COL28A1: variants seen among roughly 807,000 people sequenced by gnomAD.
COL28A1 encodes the protein collagen alpha-1(XXVIII) chain.
A neutral mutation model predicts 150.2 loss-of-function variants in COL28A1; 161 were observed. The observed-to-expected ratio is 1.07, with a 90% confidence interval of 0.94 to 1.22. The LOEUF is 1.22. Among genes scored for constraint, COL28A1 ranks in the 50% most tolerant of loss-of-function variants. The pLI is 0.00. For synonymous variants in COL28A1, 552 were observed against 469.7 expected (o/e 1.18, Z -2.26); for missense variants, 1,617 against 1,388.3 (o/e 1.16, Z -2.62).
At chr7:7,494,790 A>G (rs1290943633) in intron 11 of COL28A1, among the ~76,000 whole-genome samples, 1 of 152,274 alleles carries the variant, frequency 6.6e-6, no homozygotes, top group Non-Finnish European at 1.5e-5. Flanking sequence ...AGATATTAAC[A>G]GAATACATAA....
the COL28A1 span, among the ~76,000 whole-genome samples, chr7:7,350,246 T>C: frequency 6.6e-6 from 1 of 151,966 alleles, no homozygotes; most frequent in African/African-American, 2.4e-5. Flanking sequence ...CAATTGGATA[T>C]GAGGAGTGAG....
At chr7:7,498,936 T>C (rs1035515758) in intron 11 of COL28A1, among the ~76,000 whole-genome samples, 3 of 152,100 alleles carry the variant, frequency 2.0e-5, no homozygotes, top group African/African-American at 7.2e-5. Context: ...ACAGAGTATA[T>C]ATACCCCATC....
At chr7:7,515,030 G>A (rs1461272350) in intron 8 of COL28A1, among the ~76,000 whole-genome samples, 1 of 152,188 alleles carries the variant, frequency 6.6e-6, no homozygotes, top group Non-Finnish European at 1.5e-5. Context: ...GAGAAGCAGG[G>A]AGGCCAGAGG....
chr7:7,520,160 T>A (rs1472574212), intron 5 of COL28A1, 45 bp from the exon 6 acceptor site: 4 of 881,120 alleles, frequency 4.5e-6, no homozygotes, highest in Non-Finnish European at 7.6e-6. Context: ...GGAATTCTAT[T>A]GTTTTCTATA....
At chr7:7,433,410 T>C (rs1785121006) in intron 23 of COL28A1, among the ~76,000 whole-genome samples, 1 of 151,826 alleles carries the variant, frequency 6.6e-6, no homozygotes, top group Admixed American at 6.6e-5. Flanking sequence ...CTGAGGTGGG[T>C]GGATCACCAG....
intron 27 of COL28A1, among the ~76,000 whole-genome samples, chr7:7,391,810 T>C (rs1782559726): frequency 1.3e-5 from 2 of 151,294 alleles, no homozygotes; most frequent in South Asian, 4.2e-4. Context: ...GCTTTTTTTT[T>C]TTTTTTTTTT....
At chr7:7,405,869 T>C (rs115073093) in intron 27 of COL28A1, among the ~76,000 whole-genome samples, 1,962 of 152,244 alleles carry the variant, frequency 0.013, 41 homozygotes, top group African/African-American at 0.045. Flanking sequence ...AATATATTAA[T>C]ATGAGTCTTT....
chr7:7,494,332 C>T (rs1780086985), intron 11 of COL28A1, among the ~76,000 whole-genome samples: 1 of 152,088 alleles, frequency 6.6e-6, no homozygotes, highest in Non-Finnish European at 1.5e-5. Flanking sequence ...GCTGGGATTA[C>T]AGGTGTAAGC....
intron 23 of COL28A1, among the ~76,000 whole-genome samples, chr7:7,434,632 C>G (rs1027186897): frequency 6.6e-6 from 1 of 152,218 alleles, no homozygotes; most frequent in South Asian, 2.1e-4. Context: ...CAAACACTCA[C>G]AGTTTACAAA....
intron 25 of COL28A1, chr7:7,431,774 G>C: frequency 3.2e-6 from 1 of 316,778 alleles, no homozygotes; most frequent in Non-Finnish European, 6.6e-6. Context: ...GACCAATGAA[G>C]AGGCTATTTT....
intron 32 of COL28A1, 43 bp downstream of exon 32, chr7:7,372,955 A>G: frequency 1.3e-6 from 2 of 1,542,598 alleles, no homozygotes; most frequent in African/African-American, 2.7e-5. Context: ...ACTTAGAGGA[A>G]CAACATAAAT....
At chr7:7,478,383 T>C (rs962463997) in intron 13 of COL28A1, among the ~76,000 whole-genome samples, 2 of 152,230 alleles carry the variant, frequency 1.3e-5, no homozygotes, top group Non-Finnish European at 2.9e-5. Context: ...TTACAAACCT[T>C]GAGCTAGATA....
chr7:7,451,701 A>C (rs1427398563), intron 18 of COL28A1, among the ~76,000 whole-genome samples: 1 of 152,182 alleles, frequency 6.6e-6, no homozygotes, highest in African/African-American at 2.4e-5. Context: ...CATATATTAC[A>C]CATATGTATA....
At chr7:7,411,229 A>C (rs532682056) in intron 27 of COL28A1, among the ~76,000 whole-genome samples, 1 of 152,328 alleles carries the variant, frequency 6.6e-6, no homozygotes, top group Admixed American at 6.5e-5. Context: ...AACTGAGACA[A>C]ACCAAAAGAA....
chr7:7,514,782 G>C (rs1781329832), intron 8 of COL28A1, among the ~76,000 whole-genome samples: 5 of 152,102 alleles, frequency 3.3e-5, no homozygotes, highest in Admixed American at 3.3e-4. Context: ...TCCTTCCACA[G>C]CAAGAGCATG....
At chr7:7,417,700 T>C (rs542472729) in intron 27 of COL28A1, 159 bp downstream of exon 27, 1 of 677,568 alleles carries the variant, frequency 1.5e-6, no homozygotes, top group East Asian at 2.7e-5. Flanking sequence ...ATACCATTTT[T>C]ACACTTCCAG....
chr7:7,386,659 C>T (rs370988863), intron 27 of COL28A1, among the ~76,000 whole-genome samples: 1 of 152,114 alleles, frequency 6.6e-6, no homozygotes, highest in African/African-American at 2.4e-5. Flanking sequence ...GCTGCAGGCA[C>T]AAGAGAAAAT....
intron 3 of COL28A1, among the ~76,000 whole-genome samples, chr7:7,529,737 G>C (rs537648310): frequency 6.6e-6 from 1 of 152,310 alleles, no homozygotes; most frequent in East Asian, 1.9e-4. Flanking sequence ...TTAAGGTGAA[G>C]ATGAATAAGT....
chr7:7,478,540 G>A (rs754698400), intron 13 of COL28A1, among the ~76,000 whole-genome samples: 5 of 152,330 alleles, frequency 3.3e-5, no homozygotes, highest in South Asian at 2.1e-4. Context: ...CAGGCCCTGC[G>A]CCCACACTCC....
Sources: gnomAD v4.1 joint callset for allele counts (sites outside exome capture counted in the v4.1 genomes callset) on GRCh38, gnomAD v4.1.1 for gene constraint, MANE v1.5 for transcripts, NCBI Gene and HGNC (gene_info 2026-07-23, HGNC 2026-07-21) for gene names.